Variants in KLRG1 observed in about 807,000 individuals in gnomAD.
KLRG1 encodes the protein killer cell lectin like receptor G1, also known as killer cell lectin-like receptor subfamily G member 1.
A neutral mutation model predicts 21.8 loss-of-function variants in KLRG1; 16 were observed. The ratio of observed to expected loss-of-function variants is 0.73; its 90% CI spans 0.50 to 1.11. The LOEUF is 1.11. Among genes scored for constraint, KLRG1 ranks in the 50% most tolerant of loss-of-function variants. The probability of loss-of-function intolerance (pLI) is 0.00; values close to 1 mark genes in which losing one functional copy is unlikely to be tolerated. For missense variants in KLRG1, 173 were observed against 218.3 expected, an observed-to-expected ratio of 0.79 and a Z score of 1.31; for synonymous variants, 69 against 75.9, an observed-to-expected ratio of 0.91 and a Z score of 0.47.
the KLRG1 span, chr12:9,202,301 C>T: frequency 1.3e-5 from 21 of 1,606,224 alleles, no homozygotes; most frequent in Non-Finnish European, 1.8e-5. Flanking sequence ...ACCCAAACCA[C>T]AGATAGTGGA....
chr12:9,198,044 A>G, the KLRG1 span, among the ~76,000 whole-genome samples: 1 of 93,298 alleles, frequency 1.1e-5, no homozygotes, highest in Non-Finnish European at 2.2e-5. Context: ...ATATATGCAA[A>G]CATATATATA....
chr12:9,049,946 A>G, the KLRG1 span, among the ~76,000 whole-genome samples: 2 of 152,316 alleles, frequency 1.3e-5, no homozygotes, highest in Admixed American at 6.5e-5. Context: ...ACCTTATCAT[A>G]GTACTCCCCC....
At chr12:9,091,478 C>A in the KLRG1 span, 5 of 1,587,810 alleles carry the variant, frequency 3.1e-6, no homozygotes, top group Non-Finnish European at 4.3e-6. Context: ...TTAAATACAT[C>A]CTTTCTAGGG....
chr12:9,196,555 C>A, the KLRG1 span: 1 of 1,583,516 alleles, frequency 6.3e-7, no homozygotes, highest in South Asian at 1.1e-5. Flanking sequence ...TTCCCATATT[C>A]GTTCATTACT....
At chr12:9,101,056 A>C in the KLRG1 span, 1 of 1,281,818 alleles carries the variant, frequency 7.8e-7, no homozygotes, top group Non-Finnish European at 1.1e-6. Context: ...ACCTATGGAA[A>C]AAAAGGGAAA....
the KLRG1 span, among the ~76,000 whole-genome samples, chr12:9,033,893 C>T: frequency 7.9e-5 from 12 of 152,156 alleles, no homozygotes; most frequent in Non-Finnish European, 8.8e-5. Context: ...GGAGATCCTA[C>T]AAGAAAGAAG....
the KLRG1 span, chr12:9,163,854 C>T: frequency 1.3e-6 from 2 of 1,507,654 alleles, no homozygotes; most frequent in Non-Finnish European, 1.8e-6. Context: ...TTAAGGGCTG[C>T]ACCTTAAACT....
intron 1 of KLRG1, chr12:8,991,942 G>A (rs1053079132): frequency 4.6e-5 from 13 of 281,596 alleles, no homozygotes; most frequent in African/African-American, 2.7e-4. Flanking sequence ...CACCACCTAA[G>A]TATGAGACAG....
At chr12:9,162,048 C>T in the KLRG1 span, among the ~76,000 whole-genome samples, 1 of 152,016 alleles carries the variant, frequency 6.6e-6, no homozygotes. Flanking sequence ...TGCAACCTCC[C>T]CCTGCCCGGC....
At chr12:9,062,266 T>TA in the KLRG1 span, among the ~76,000 whole-genome samples, 2 of 99,164 alleles carry the variant, frequency 2.0e-5, no homozygotes, top group African/African-American at 4.8e-5. Context: ...ATATATTGTA[T>TA]AAAAAATCAC....
the KLRG1 span, chr12:9,110,277 G>A: frequency 7.0e-7 from 1 of 1,423,366 alleles, no homozygotes; most frequent in South Asian, 1.3e-5. Flanking sequence ...TATATGTATT[G>A]CTTTCCTTTT....
chr12:9,200,831 A>T, the KLRG1 span: 1 of 1,515,366 alleles, frequency 6.6e-7, no homozygotes, highest in Non-Finnish European at 8.9e-7. Context: ...CAAAGGATCT[A>T]AGTGAGCTCA....
the KLRG1 span, among the ~76,000 whole-genome samples, chr12:9,041,067 G>A: frequency 2.5e-4 from 38 of 152,220 alleles, no homozygotes; most frequent in African/African-American, 7.2e-4. Context: ...CAGGCGTGGT[G>A]GATCATACCT....
the KLRG1 span, among the ~76,000 whole-genome samples, chr12:9,026,912 G>A: frequency 7.9e-5 from 12 of 151,980 alleles, no homozygotes; most frequent in East Asian, 3.9e-4. Context: ...CTGGAGTACC[G>A]TGGTGTAATC....
At chr12:9,201,367 A>T in the KLRG1 span, 4 of 1,548,208 alleles carry the variant, frequency 2.6e-6, no homozygotes, top group African/African-American at 1.4e-5. Context: ...AAAAGGAAAG[A>T]AGAGATGTGA....
At chr12:9,132,160 A>T in the KLRG1 span, among the ~76,000 whole-genome samples, 1 of 152,232 alleles carries the variant, frequency 6.6e-6, no homozygotes, top group Non-Finnish European at 1.5e-5. Flanking sequence ...CTGCATGTTA[A>T]GGAAGTCTGA....
At chr12:9,185,815 T>TTTTCTTTTCTTTTCTTTTC in the KLRG1 span, among the ~76,000 whole-genome samples, 1 of 147,148 alleles carries the variant, frequency 6.8e-6, no homozygotes, top group Non-Finnish European at 1.5e-5. Context: ...TTTTCTTTTC[T>TTTTCTTTTCTTTTCTTTTC]TTTTTTTTTT....
the KLRG1 span, among the ~76,000 whole-genome samples, chr12:9,062,023 T>A: frequency 6.6e-6 from 1 of 151,532 alleles, no homozygotes; most frequent in African/African-American, 2.4e-5. Flanking sequence ...ATATCTGATA[T>A]ATTTATATAT....
chr12:9,073,477 C>T, the KLRG1 span, among the ~76,000 whole-genome samples: 125 of 152,274 alleles, frequency 8.2e-4, 1 homozygote, highest in Non-Finnish European at 1.5e-3. Context: ...GTATCCTCAA[C>T]AACATTAAAC....
Sources: gnomAD v4.1 joint callset for allele counts (sites outside exome capture counted in the v4.1 genomes callset) on GRCh38, gnomAD v4.1.1 for gene constraint, MANE v1.5 for transcripts, NCBI Gene and HGNC (gene_info 2026-07-23, HGNC 2026-07-21) for gene names.